LMO3: variants seen among roughly 807,000 people sequenced by gnomAD.
LMO3 encodes LIM domain only protein 3.
In LMO3, 2 loss-of-function variants were observed where a neutral mutation model predicts 15.8. That is an observed-to-expected ratio of 0.13 (90% CI 0.05 to 0.40). The LOEUF (loss-of-function observed/expected upper bound fraction) is 0.40. Among genes scored for constraint, LMO3 ranks in the 10% least tolerant of loss-of-function variants. The pLI, the probability that LMO3 is intolerant of heterozygous loss-of-function variation, is 0.99. For synonymous variants in LMO3, 62 were observed against 63.8 expected (o/e 0.97, Z 0.13); for missense variants, 86 against 182.2 (o/e 0.47, Z 3.04).
chr12:16,552,719 A>T (rs1293252166), intron 3 of LMO3, among the ~76,000 whole-genome samples: 4 of 152,122 alleles, frequency 2.6e-5, no homozygotes, highest in African/African-American at 9.6e-5. Flanking sequence ...CAGACTATGC[A>T]CTGATCTTGA....
chr12:16,562,346 G>A lies in LMO3; in HGVS notation c.207-1808C>T, dbSNP rs569872256. 5.3e-5 allele frequency among the ~76,000 whole-genome samples: 8 copies of A among 152,228 alleles called. No homozygotes were observed. The South Asian group carries it at 1.7e-3, about 32-fold the overall frequency. Reference sequence around the variant, plus strand: ...AAAACTTAAAAGTTCTTTATTCAATGAATATAGATATACTTGTGTATATAA... The same window carrying A: ...AAAACTTAAAAGTTCTTTATTCAATAAATATAGATATACTTGTGTATATAA... On this transcript the variant is annotated intron_variant, in intron 2 of 3. Transcript: ENST00000537304.
intron 2 of LMO3, among the ~76,000 whole-genome samples, chr12:16,568,414 T>TC (rs1942692430): frequency 6.6e-6 from 1 of 150,724 alleles, no homozygotes; most frequent in Non-Finnish European, 1.5e-5. Context: ...GGCTGGTTTC[T>TC]CCCCAACCTC....
chr12:16,579,973 A>G (rs569604209), intron 2 of LMO3, among the ~76,000 whole-genome samples: 1 of 152,294 alleles, frequency 6.6e-6, no homozygotes, highest in African/African-American at 2.4e-5. Flanking sequence ...TTCTGGTCAC[A>G]ATGAGAAAGG....
intron 2 of LMO3, among the ~76,000 whole-genome samples, chr12:16,592,920 A>G (rs1331828127): frequency 2.0e-5 from 3 of 151,914 alleles, no homozygotes; most frequent in Non-Finnish European, 2.9e-5. Context: ...ATAAAAACAT[A>G]ACATTGTTCT....
At chr12:16,578,956 C>A (rs1239493452) in intron 2 of LMO3, among the ~76,000 whole-genome samples, 2 of 152,262 alleles carry the variant, frequency 1.3e-5, no homozygotes, top group African/African-American at 2.4e-5. Context: ...AGAAAAAGTT[C>A]TTTATTCTAA....
rs1342356157 is a variant in LMO3 at position 16,576,993 on chromosome 12, G to A, written c.207-16455C>T. On this transcript the variant is annotated intron_variant, in intron 2 of 3. Coordinates refer to ENST00000537304, the MANE Select transcript of LMO3 (RefSeq NM_018640.5). This position sits in a 1 kb window ranked among gnomAD's most constrained non-coding sequence, Gnocchi z 4.1. Reference sequence around the variant, plus strand: ...GTAAAACTACACTGGAAGCTTGCTAGGCAACATGAGAATCTACTTGCTGAA... The same window carrying A: ...GTAAAACTACACTGGAAGCTTGCTAAGCAACATGAGAATCTACTTGCTGAA... Among the ~76,000 whole-genome samples the A allele has an allele frequency of 6.6e-6, 1 of 152,142 alleles. No homozygotes were observed. The highest frequency in any genetic ancestry group is 1.5e-5 in the Non-Finnish European group (1 of 68,020).
Position 16,587,575 on chromosome 12 carries a change from T to G in LMO3, c.206+13080A>C, listed in dbSNP as rs1943359841. Among the ~76,000 whole-genome samples, 1 of 152,106 alleles carries G rather than the reference T, an allele frequency of 6.6e-6. No individual in the cohort carries two copies. Among genetic ancestry groups the G allele is most frequent in the South Asian group, 2.1e-4 (1 of 4,832 alleles). On this transcript the variant is annotated intron_variant, in intron 2 of 3. Transcript: ENST00000537304. This position sits in a 1 kb window ranked among gnomAD's most constrained non-coding sequence, Gnocchi z 4.3. ...AGTAGCCTACATGGTTGACTACCCT[T>G]GGTGTTAAATTTTCTTAAATTGTAT...
upstream of LMO3, chr12:16,609,881 C>T (rs1487230001): frequency 6.6e-6 from 1 of 151,406 alleles, no homozygotes; most frequent in African/African-American, 2.4e-5. Flanking sequence ...ATTTCTGTGG[C>T]GTCCCAGAGA....
rs745417962 is a variant in LMO3, at chr12:16,560,992, A to G, written c.207-454T>C. The stretch of plus-strand genomic sequence containing the variant: ...GGTTTGCCATTATTATTAAAAATAC[A>G]TTTATGAAGAAGCCATTTAAATAGT... On this transcript the variant is annotated intron_variant, in intron 2 of 3. Coordinates refer to ENST00000537304, the MANE Select transcript of LMO3 (RefSeq NM_018640.5). The surrounding 1 kb of genome is among the most constrained non-coding windows in gnomAD (Gnocchi z 5.0). 1.6e-4 allele frequency among the ~76,000 whole-genome samples: 24 copies of G among 152,296 alleles called. No homozygotes were observed. Among genetic ancestry groups the G allele is most frequent in the Non-Finnish European group, 2.6e-4 (18 of 68,014 alleles).
At chr12:16,564,471 A>T (rs542874242) in intron 2 of LMO3, among the ~76,000 whole-genome samples, 1 of 152,360 alleles carries the variant, frequency 6.6e-6, no homozygotes, top group Non-Finnish European at 1.5e-5. Flanking sequence ...GGGTAGGGAA[A>T]AACTCAAGAC....
In LMO3 at chr12:16,604,203, C is replaced by T. The variant is rs1034639136; in HGVS notation, c.-9+1863G>A. Among the ~76,000 whole-genome samples, 24 of 152,172 alleles carry T rather than the reference C, an allele frequency of 1.6e-4. No individual in the cohort carries two copies. The highest frequency in any genetic ancestry group is 5.8e-4 in the African/African-American group (24 of 41,442). On this transcript the variant is annotated intron_variant, in intron 1 of 3. Transcript: ENST00000537304. This position sits in a 1 kb window ranked among gnomAD's most constrained non-coding sequence, Gnocchi z 5.3. ...TGGAAAACTGGATTGGGCCTAAAAG[C>T]TTGTTTCTCTCTGTTCACTGGCCCA...
Position 16,604,484 on chromosome 12 carries a change from G to A in LMO3, c.-9+1582C>T. Reference sequence around the variant, plus strand: ...CAGTTTAATTACAGTTACCATGGCAGCAAAGTGCTAGTGCTTGGCAAAGGC... The same window carrying A: ...CAGTTTAATTACAGTTACCATGGCAACAAAGTGCTAGTGCTTGGCAAAGGC... On this transcript the variant is annotated intron_variant, in intron 1 of 3. Coordinates refer to ENST00000537304, the MANE Select transcript of LMO3 (RefSeq NM_018640.5). The surrounding 1 kb of genome is among the most constrained non-coding windows in gnomAD (Gnocchi z 5.3). The A allele has an allele frequency of 4.9e-6, 1 of 203,194 alleles. No individual in the cohort carries two copies. The highest frequency in any genetic ancestry group is 1.0e-4 in the South Asian group (1 of 9,612). The allele number at this position is 203,194 out of a possible 1,614,324, so 12.6% of individuals were successfully genotyped here.
Position 16,586,559 on chromosome 12 carries a change from T to C in LMO3, c.206+14096A>G, listed in dbSNP as rs1430027930. On this transcript the variant is annotated intron_variant, in intron 2 of 3. Coordinates refer to ENST00000537304, the MANE Select transcript of LMO3 (RefSeq NM_018640.5). This position sits in a 1 kb window ranked among gnomAD's most constrained non-coding sequence, Gnocchi z 4.3. ...TGTCAGATTCAGGCCAACTGAATTC[T>C]GGAGGACATATGCAAAGACACTGCA... Among the ~76,000 whole-genome samples the C allele has an allele frequency of 6.6e-6, 1 of 152,202 alleles. No individual in the cohort carries two copies. Among genetic ancestry groups the C allele is most frequent in the Non-Finnish European group, 1.5e-5 (1 of 68,030 alleles).
chr12:16,580,038 A>T (rs768852080), intron 2 of LMO3, among the ~76,000 whole-genome samples: 3 of 152,228 alleles, frequency 2.0e-5, no homozygotes, highest in Non-Finnish European at 4.4e-5. Context: ...TTTAAGTGTC[A>T]CAAATAGTGA....
chr12:16,584,685 T>C lies in LMO3; in HGVS notation c.206+15970A>G, dbSNP rs2137566585. Among the ~76,000 whole-genome samples the C allele has an allele frequency of 6.6e-6, 1 of 152,210 alleles. No homozygotes were observed. Among genetic ancestry groups the C allele is most frequent in the East Asian group, 1.9e-4 (1 of 5,168 alleles). ...AATATCCCACTTAAGTCCAAACATA[T>C]TGCAATGGCTGCCATGAAGTTCAAG... On this transcript the variant is annotated intron_variant, in intron 2 of 3. Transcript: ENST00000537304. The surrounding 1 kb of genome is among the most constrained non-coding windows in gnomAD (Gnocchi z 5.2).
chr12:16,552,359 A>C (rs1942021653), intron 3 of LMO3, among the ~76,000 whole-genome samples: 1 of 152,042 alleles, frequency 6.6e-6, no homozygotes, highest in East Asian at 1.9e-4. Flanking sequence ...TTTATCAGAT[A>C]GTCAATTTCA....
chr12:16,556,416 C>CTA (rs2137290453), intron 3 of LMO3, among the ~76,000 whole-genome samples: 1 of 151,798 alleles, frequency 6.6e-6, no homozygotes, highest in African/African-American at 2.4e-5. Flanking sequence ...CAGAGGAGAT[C>CTA]TATATATAAG....
intron 2 of LMO3, among the ~76,000 whole-genome samples, chr12:16,572,126 T>A (rs1182983442): frequency 6.6e-6 from 1 of 151,972 alleles, no homozygotes; most frequent in Non-Finnish European, 1.5e-5. Context: ...GTACATTTCA[T>A]TAGTATTAAT....
At position 16,603,611 on chromosome 12, in the gene LMO3, T is replaced by TA. The variant is rs1249134066; in HGVS notation, c.-9+2454dup. ...TTGACAGTTTAAGGGAAATCATAAT[T>TA]AAAAAAAAGACATAAATAATAGCCT... On this transcript the variant is annotated intron_variant, in intron 1 of 3. Coordinates refer to ENST00000537304, the MANE Select transcript of LMO3 (RefSeq NM_018640.5). The surrounding 1 kb of genome is among the most constrained non-coding windows in gnomAD (Gnocchi z 4.9). Among the ~76,000 whole-genome samples the TA allele has an allele frequency of 2.0e-5, 3 of 151,894 alleles. No individual in the cohort carries two copies. Among genetic ancestry groups the TA allele is most frequent in the Middle Eastern group, 3.2e-3 (1 of 316 alleles).
Sources: gnomAD v4.1 joint callset for allele counts (sites outside exome capture counted in the v4.1 genomes callset) on GRCh38, gnomAD v4.1.1 for gene constraint, Gnocchi (gnomAD v3.1) non-coding constraint, MANE v1.5 for transcripts, NCBI Gene and HGNC (gene_info 2026-07-23, HGNC 2026-07-21) for gene names.